Variants in FGF12 observed in about 807,000 individuals in gnomAD.
The protein encoded by FGF12 is fibroblast growth factor 12B.
Under a neutral mutation model 23.6 loss-of-function variants are expected in FGF12, and 14 were observed. The observed-to-expected ratio is 0.59, with a 90% CI of 0.39 to 0.93. The LOEUF (loss-of-function observed/expected upper bound fraction) is 0.93, where lower values mean the gene tolerates loss of function less well. Ranked by LOEUF, FGF12 falls within the 40% of genes least tolerant of loss-of-function variation. The pLI, the probability that FGF12 is intolerant of heterozygous loss-of-function variation, is 0.00. For missense variants in FGF12, 175 were observed against 217.8 expected, an observed-to-expected ratio of 0.80 and a Z score of 1.24; for synonymous variants, 62 against 77.3, an observed-to-expected ratio of 0.80 and a Z score of 1.04.
At chr3:192,551,644 C>T (rs1288100808) in intron 2 of FGF12, among the ~76,000 whole-genome samples, 1 of 152,084 alleles carries the variant, frequency 6.6e-6, no homozygotes, top group Admixed American at 6.6e-5. Flanking sequence ...ATGGCCATGC[C>T]ATAGAACTAA....
chr3:192,639,060 G>T (rs949960812), intron 2 of FGF12, among the ~76,000 whole-genome samples: 1 of 151,982 alleles, frequency 6.6e-6, no homozygotes, highest in Non-Finnish European at 1.5e-5. Flanking sequence ...ATCTGATAAG[G>T]GATCAGTATC....
chr3:192,379,722 A>G (rs1719737554), intron 2 of FGF12, among the ~76,000 whole-genome samples: 1 of 152,242 alleles, frequency 6.6e-6, no homozygotes, highest in Non-Finnish European at 1.5e-5. Context: ...TTTAACAATA[A>G]TAAGTCACCA....
At chr3:192,190,600 C>A (rs528055681) in intron 4 of FGF12, among the ~76,000 whole-genome samples, 1 of 151,264 alleles carries the variant, frequency 6.6e-6, no homozygotes, top group Non-Finnish European at 1.5e-5. Context: ...CTCAGCCTCC[C>A]GAGTAGCTGG....
At chr3:192,401,955 A>G (rs748045801) in intron 2 of FGF12, among the ~76,000 whole-genome samples, 16 of 152,362 alleles carry the variant, frequency 1.1e-4, no homozygotes, top group Middle Eastern at 3.4e-3. Context: ...TTTCTTGACC[A>G]AAAGCTAGAG....
chr3:192,265,724 G>A (rs1242289788), intron 4 of FGF12, among the ~76,000 whole-genome samples: 4 of 152,026 alleles, frequency 2.6e-5, no homozygotes, highest in African/African-American at 9.7e-5. Flanking sequence ...AGAGTCTGGT[G>A]TATACCATGG....
At chr3:192,172,058 G>GT (rs1343465502) in intron 4 of FGF12, among the ~76,000 whole-genome samples, 5 of 151,946 alleles carry the variant, frequency 3.3e-5, no homozygotes, top group Non-Finnish European at 7.4e-5. Flanking sequence ...TTTTTGAATA[G>GT]TTCCAACATT....
chr3:192,570,997 C>G (rs1017583573), intron 2 of FGF12, among the ~76,000 whole-genome samples: 1 of 152,108 alleles, frequency 6.6e-6, no homozygotes, highest in African/African-American at 2.4e-5. Context: ...TTTAGGGTTC[C>G]GTGATTCCAT....
At chr3:192,713,728 AAAATCTTGTTCAT>A (rs1406911842) in intron 2 of FGF12, among the ~76,000 whole-genome samples, 1 of 152,198 alleles carries the variant, frequency 6.6e-6, no homozygotes, top group African/African-American at 2.4e-5. Context: ...CTTCATCTTC[AAAATCTTGTTCAT>A]AAATCTTTTA....
At chr3:192,545,012 C>T (rs1725461609) in intron 2 of FGF12, among the ~76,000 whole-genome samples, 1 of 152,138 alleles carries the variant, frequency 6.6e-6, no homozygotes, top group Admixed American at 6.5e-5. Flanking sequence ...TTAAGGAGAA[C>T]TTGAATAATC....
In FGF12 at chr3:192,514,641, G is replaced by A; in HGVS notation, c.14-154103C>T. The A allele has an allele frequency of 2.1e-6, 2 of 961,042 alleles. No homozygotes were observed. Among genetic ancestry groups the A allele is most frequent in the African/African-American group, 1.8e-5 (1 of 56,878 alleles). 59.5% of individuals were successfully genotyped at this position (961,042 alleles called of 1,614,324 possible). A position where few individuals can be genotyped will look rare whatever the true frequency, so the allele number is the denominator to read the frequency against. On this transcript the variant is annotated intron_variant, in intron 2 of 5. Coordinates refer to ENST00000445105, the MANE Select transcript of FGF12 (RefSeq NM_004113.6). This position sits in a 1 kb window ranked among gnomAD's most constrained non-coding sequence, Gnocchi z 4.9. ...GAAGGGGGCATTCTGCAGTGTTTGGGGGCTGGGGAAAGAACATTTTCTCAC... is the reference window on the plus strand; with the variant it reads ...GAAGGGGGCATTCTGCAGTGTTTGGAGGCTGGGGAAAGAACATTTTCTCAC...
At chr3:192,168,960 C>CA (rs1715384600) in intron 5 of FGF12, among the ~76,000 whole-genome samples, 1 of 151,862 alleles carries the variant, frequency 6.6e-6, no homozygotes, top group Admixed American at 6.6e-5. Context: ...TTATTTTTTT[C>CA]CAAAGACTAA....
intron 4 of FGF12, among the ~76,000 whole-genome samples, chr3:192,234,430 T>C (rs1003729223): frequency 6.6e-6 from 1 of 152,196 alleles, no homozygotes; most frequent in Non-Finnish European, 1.5e-5. Flanking sequence ...TTCTATGAGC[T>C]TTTGGATGGA....
chr3:192,145,992 A>G (rs1402043386), intron 5 of FGF12, among the ~76,000 whole-genome samples: 1 of 152,226 alleles, frequency 6.6e-6, no homozygotes, highest in East Asian at 1.9e-4. Flanking sequence ...AACCATTTAC[A>G]TAAAACTGCT....
chr3:192,704,035 A>G (rs1402401985), intron 2 of FGF12, among the ~76,000 whole-genome samples: 3 of 152,064 alleles, frequency 2.0e-5, no homozygotes, highest in East Asian at 1.9e-4. Context: ...ATTGAAATCA[A>G]CTCCTTCCAA....
intron 2 of FGF12, among the ~76,000 whole-genome samples, chr3:192,548,305 T>A (rs1503590): frequency 0.22 from 33,002 of 152,034 alleles, 3,900 homozygotes; most frequent in Middle Eastern, 0.41. Flanking sequence ...TGTTTAAAAA[T>A]ATAAAACACG....
chr3:192,483,253 G>A (rs961423958), intron 2 of FGF12, among the ~76,000 whole-genome samples: 1 of 151,612 alleles, frequency 6.6e-6, no homozygotes, highest in Non-Finnish European at 1.5e-5. Context: ...TTTTTTAATG[G>A]ACTACTATAC....
intron 4 of FGF12, among the ~76,000 whole-genome samples, chr3:192,208,408 T>C (rs1172597371): frequency 6.6e-6 from 1 of 152,196 alleles, no homozygotes; most frequent in South Asian, 2.1e-4. Flanking sequence ...AGAACCTCTA[T>C]TGTCTTTAAG....
chr3:192,290,165 A>G (rs936170928), intron 4 of FGF12, among the ~76,000 whole-genome samples: 1 of 152,150 alleles, frequency 6.6e-6, no homozygotes, highest in Non-Finnish European at 1.5e-5. Context: ...ATATTGTGTA[A>G]TGCAAAATTA....
At chr3:192,410,067 G>A (rs1721145231) in intron 2 of FGF12, among the ~76,000 whole-genome samples, 1 of 152,102 alleles carries the variant, frequency 6.6e-6, no homozygotes, top group Non-Finnish European at 1.5e-5. Context: ...GAGAGCCACC[G>A]AGATGGCAGG....
Sources: gnomAD v4.1 joint callset for allele counts (sites outside exome capture counted in the v4.1 genomes callset) on GRCh38, gnomAD v4.1.1 for gene constraint, Gnocchi (gnomAD v3.1) non-coding constraint, MANE v1.5 for transcripts, NCBI Gene and HGNC (gene_info 2026-07-23, HGNC 2026-07-21) for gene names.